WWOX: variants seen among roughly 807,000 people sequenced by gnomAD.
WWOX encodes the protein WW domain-containing oxidoreductase.
A neutral mutation model predicts 46.2 loss-of-function variants in WWOX; 69 were observed. The observed-to-expected ratio is 1.49, with a 90% CI of 1.23 to 1.82. The LOEUF is 1.82. WWOX is among the 40% of genes most tolerant of loss of function. The probability of loss-of-function intolerance (pLI) is 0.00; values close to 1 mark genes in which losing one functional copy is unlikely to be tolerated. For synonymous variants in WWOX, 359 were observed against 202.6 expected (o/e 1.77, Z -6.56); for missense variants, 919 against 542.6 (o/e 1.69, Z -6.89).
intron 5 of WWOX, among the ~76,000 whole-genome samples, chr16:78,353,006 G>A (rs929267047): frequency 1.7e-4 from 26 of 152,106 alleles, no homozygotes; most frequent in African/African-American, 5.8e-4. Flanking sequence ...GAAATTAACT[G>A]GAATGGGTAA....
intron 8 of WWOX, among the ~76,000 whole-genome samples, chr16:78,951,875 C>T (rs773360791): frequency 1.5e-4 from 23 of 152,272 alleles, no homozygotes; most frequent in Admixed American, 2.6e-4. Flanking sequence ...CAACACTCTT[C>T]AATGGATGTG....
intron 8 of WWOX, among the ~76,000 whole-genome samples, chr16:78,710,497 T>A (rs2048419973): frequency 7.3e-6 from 1 of 137,116 alleles, no homozygotes; most frequent in Non-Finnish European, 1.6e-5. Context: ...TATATATATA[T>A]ATTTATATAA....
chr16:78,290,235 C>T (rs544535943), intron 5 of WWOX, among the ~76,000 whole-genome samples: 10 of 148,750 alleles, frequency 6.7e-5, no homozygotes, highest in Non-Finnish European at 1.0e-4. Flanking sequence ...GAGCACTCTG[C>T]GAGCACTCTG....
intron 8 of WWOX, among the ~76,000 whole-genome samples, chr16:78,915,635 G>A (rs957283027): frequency 1.3e-5 from 2 of 152,062 alleles, no homozygotes; most frequent in Non-Finnish European, 2.9e-5. Context: ...ATCAGTCATT[G>A]ACTCAGAAGA....
At chr16:78,608,019 C>G (rs1450883305) in intron 8 of WWOX, among the ~76,000 whole-genome samples, 1 of 152,126 alleles carries the variant, frequency 6.6e-6, no homozygotes, top group East Asian at 1.9e-4. Flanking sequence ...CACTAGTCAA[C>G]CGCAACACAA....
chr16:78,581,143 G>T (rs2045042194), intron 8 of WWOX, among the ~76,000 whole-genome samples: 1 of 152,006 alleles, frequency 6.6e-6, no homozygotes, highest in Non-Finnish European at 1.5e-5. Flanking sequence ...CGCAGGACAT[G>T]ACACCGTATA....
At chr16:78,743,080 G>T (rs934714129) in intron 8 of WWOX, among the ~76,000 whole-genome samples, 3 of 151,978 alleles carry the variant, frequency 2.0e-5, no homozygotes, top group African/African-American at 4.8e-5. Context: ...AACCCGATCA[G>T]CCCCCGAAGG....
chr16:79,176,248 T>C (rs2050798112), intron 8 of WWOX, among the ~76,000 whole-genome samples: 1 of 152,226 alleles, frequency 6.6e-6, no homozygotes, highest in Non-Finnish European at 1.5e-5. Flanking sequence ...CAATGGCAGC[T>C]ACGTTCCACA....
intron 8 of WWOX, among the ~76,000 whole-genome samples, chr16:78,843,521 C>A (rs4888865): frequency 0.73 from 109,344 of 149,340 alleles, 42,136 homozygotes; most frequent in Middle Eastern, 0.86. Context: ...CCACAAATGA[C>A]ATGTTTTGAC....
At chr16:78,323,480 C>T (rs1045062900) in intron 5 of WWOX, among the ~76,000 whole-genome samples, 3 of 151,334 alleles carry the variant, frequency 2.0e-5, no homozygotes, top group Admixed American at 1.3e-4. Context: ...TCAGGAGACC[C>T]AGCAGTTTCT....
intron 8 of WWOX, among the ~76,000 whole-genome samples, chr16:78,545,491 G>A (rs750019514): frequency 6.6e-6 from 1 of 152,134 alleles, no homozygotes; most frequent in African/African-American, 2.4e-5. Context: ...TAGCTGGGAC[G>A]ACAGGTGCCT....
At chr16:79,156,870 AAAAAC>A (rs549760639) in intron 8 of WWOX, among the ~76,000 whole-genome samples, 326 of 148,458 alleles carry the variant, frequency 2.2e-3, no homozygotes, top group Non-Finnish European at 3.8e-3. Flanking sequence ...GAAGGAAAGA[AAAAAC>A]AAAACTAACA....
At chr16:78,136,510 A>G (rs961177021) in intron 4 of WWOX, among the ~76,000 whole-genome samples, 3 of 152,158 alleles carry the variant, frequency 2.0e-5, no homozygotes, top group Non-Finnish European at 4.4e-5. Context: ...AATCTAGAGG[A>G]CAAAACCTAA....
intron 8 of WWOX, among the ~76,000 whole-genome samples, chr16:78,815,175 A>G (rs2051297240): frequency 6.6e-6 from 1 of 152,142 alleles, no homozygotes; most frequent in Admixed American, 6.5e-5. Context: ...AAATACAAAA[A>G]TTAACCAGGC....
At chr16:78,993,210 A>G (rs2046922273) in intron 8 of WWOX, among the ~76,000 whole-genome samples, 2 of 150,948 alleles carry the variant, frequency 1.3e-5, no homozygotes, top group African/African-American at 4.9e-5. Flanking sequence ...ACAAAGGGAA[A>G]TCAGTTTGTT....
chr16:78,945,969 A>T (rs1597188128), intron 8 of WWOX, among the ~76,000 whole-genome samples: 1 of 151,558 alleles, frequency 6.6e-6, no homozygotes, highest in African/African-American at 2.4e-5. Context: ...GCTAATAATC[A>T]CCTGTCCTGC....
At chr16:78,397,392 T>G (rs1420556941) in intron 6 of WWOX, among the ~76,000 whole-genome samples, 1 of 152,088 alleles carries the variant, frequency 6.6e-6, no homozygotes, top group Non-Finnish European at 1.5e-5. Flanking sequence ...TAAGAGTGGG[T>G]TAAAAAATGG....
chr16:78,996,696 C>A (rs985557366), intron 8 of WWOX, among the ~76,000 whole-genome samples: 2 of 152,076 alleles, frequency 1.3e-5, no homozygotes, highest in African/African-American at 4.8e-5. Flanking sequence ...CAAATATGGC[C>A]AGGTACAGTG....
chr16:78,984,167 C>T (rs550479145), intron 8 of WWOX, among the ~76,000 whole-genome samples: 64 of 152,150 alleles, frequency 4.2e-4, no homozygotes, highest in East Asian at 9.7e-4. Context: ...CATGAGCCAT[C>T]GCGCCCGGCC....
Sources: allele counts gnomAD v4.1 joint callset (sites outside exome capture counted in the v4.1 genomes callset), GRCh38; gene constraint gnomAD v4.1.1; transcripts MANE v1.5; gene names NCBI Gene and HGNC (gene_info 2026-07-23, HGNC 2026-07-21).